Variants in STX18 observed in about 807,000 individuals in gnomAD.
The protein encoded by STX18 is syntaxin-18.
In STX18, 40 loss-of-function variants were observed where a neutral mutation model predicts 50.1. The observed-to-expected ratio is 0.80, with a 90% CI of 0.62 to 1.04. The LOEUF (loss-of-function observed/expected upper bound fraction) is 1.04. STX18 is among the 50% of genes least tolerant of loss of function. The probability of loss-of-function intolerance (pLI) is 0.00; values close to 1 mark genes in which losing one functional copy is unlikely to be tolerated. For synonymous variants in STX18, 158 were observed against 151.8 expected, an observed-to-expected ratio of 1.04 and a Z score of -0.30; for missense variants, 410 against 415.8, an observed-to-expected ratio of 0.99 and a Z score of 0.12.
chr4:4,486,483 G>A (rs967638624), intron 1 of STX18, among the ~76,000 whole-genome samples: 17 of 152,150 alleles, frequency 1.1e-4, no homozygotes, highest in African/African-American at 3.4e-4. Flanking sequence ...AATGATCACC[G>A]CAAACACTAT....
intron 1 of STX18, among the ~76,000 whole-genome samples, chr4:4,512,273 C>T (rs867898400): frequency 6.6e-6 from 1 of 151,892 alleles, no homozygotes; most frequent in Admixed American, 6.6e-5. Flanking sequence ...CAACAGCTCC[C>T]GAGCTTTGTT....
In STX18 at chr4:4,488,909, A is replaced by G. The variant is rs1346287667; in HGVS notation, c.169-17203T>C. ...TCTGCTTCACATCAGCAAAGAGAAT[A>G]GCAAAAGCAACTTCAAGCGGCCCAT... On this transcript the variant is annotated intron_variant, in intron 1 of 10. Coordinates refer to ENST00000306200, the MANE Select transcript of STX18 (RefSeq NM_016930.4). Among the ~76,000 whole-genome samples the G allele has an allele frequency of 3.3e-5, 5 of 152,196 alleles. No homozygotes were observed. The East Asian group carries it at 9.6e-4, about 29-fold the overall frequency.
rs548016834 is a variant in STX18 at position 4,424,120 on chromosome 4, T to C, written c.762-533A>G. Among the ~76,000 whole-genome samples the C allele has an allele frequency of 7.9e-5, 12 of 152,136 alleles. 1 individual carries two copies. The highest frequency in any genetic ancestry group is 5.9e-4 in the Admixed American group (9 of 15,282). On this transcript the variant is annotated intron_variant, in intron 8 of 10. Transcript: ENST00000306200. ...CCTCTGATTCATTTAGAAAATGCCATGTCTTGGTTTGGCAACGGAGTGTTC... is the reference window on the plus strand; with the variant it reads ...CCTCTGATTCATTTAGAAAATGCCACGTCTTGGTTTGGCAACGGAGTGTTC...
chr4:4,515,964 C>G (rs1211543269), intron 1 of STX18, among the ~76,000 whole-genome samples: 1 of 152,106 alleles, frequency 6.6e-6, no homozygotes, highest in Non-Finnish European at 1.5e-5. Flanking sequence ...TGAGAAAAGG[C>G]AGTACCTCAA....
At chr4:4,436,993 C>CT (rs1725823784) in intron 6 of STX18, among the ~76,000 whole-genome samples, 1 of 121,968 alleles carries the variant, frequency 8.2e-6, no homozygotes, top group South Asian at 2.8e-4. Flanking sequence ...GAATTTCGCT[C>CT]TTGTTGCCCA....
intron 5 of STX18, among the ~76,000 whole-genome samples, chr4:4,439,602 CAT>C (rs945857037): frequency 3.5e-5 from 5 of 143,690 alleles, no homozygotes; most frequent in African/African-American, 1.1e-4. Flanking sequence ...CCCCCACACA[CAT>C]ACCCCCCAAC....
At chr4:4,481,064 T>C (rs1162307189) in intron 1 of STX18, among the ~76,000 whole-genome samples, 2 of 152,208 alleles carry the variant, frequency 1.3e-5, no homozygotes, top group South Asian at 4.1e-4. Context: ...TGTTTTTATG[T>C]GTCACCCACA....
chr4:4,452,075 G>A (rs1462279358), intron 5 of STX18, among the ~76,000 whole-genome samples: 4 of 152,210 alleles, frequency 2.6e-5, no homozygotes, highest in African/African-American at 9.6e-5. Context: ...GAGAAAGTGT[G>A]AGTGGTCTGG....
chr4:4,482,631 C>T (rs528059799), intron 1 of STX18, among the ~76,000 whole-genome samples: 61 of 152,360 alleles, frequency 4.0e-4, no homozygotes, highest in Non-Finnish European at 6.8e-4. Context: ...CAACCACCTG[C>T]GTGCCAGACC....
Position 4,419,344 on chromosome 4 carries a change from C to G in STX18, c.*690G>C, listed in dbSNP as rs1281428109. The G allele has an allele frequency of 1.3e-5, 2 of 151,664 alleles. No homozygotes were observed. The highest frequency in any genetic ancestry group is 2.9e-5 in the Non-Finnish European group (2 of 67,894). The allele number at this position is 151,664 out of a possible 1,614,324, so 9.4% of individuals were successfully genotyped here. On this transcript the variant is annotated 3_prime_UTR_variant, in exon 11 of 11. Coordinates refer to ENST00000306200, the MANE Select transcript of STX18 (RefSeq NM_016930.4). ...CCCTGCCTGTTCTGGGGGCAGCAGT[C>G]TTTGGAGGAGTAATGCCAGGCAGCC...
At chr4:4,460,081 C>T (rs912198850) in intron 2 of STX18, among the ~76,000 whole-genome samples, 3 of 152,168 alleles carry the variant, frequency 2.0e-5, no homozygotes, top group Admixed American at 2.0e-4. Context: ...TATCCCACTT[C>T]CCTTCTTCCT....
rs372406067 is a variant in STX18, at chr4:4,470,075, C to T, written c.236+1564G>A. On this transcript the variant is annotated intron_variant, in intron 2 of 10. Transcript: ENST00000306200. ...CTTTGCCAGCCCACGAGAATGCAAA[C>T]GCCATGAGGGCAGGAATATTTGTAT... 9.2e-5 allele frequency among the ~76,000 whole-genome samples: 14 copies of T among 152,284 alleles called. No individual in the cohort carries two copies. In the East Asian group the frequency reaches 1.5e-3, roughly 17 times the overall value.
intron 1 of STX18, among the ~76,000 whole-genome samples, chr4:4,506,462 T>A (rs900407519): frequency 6.6e-6 from 1 of 152,220 alleles, no homozygotes; most frequent in Admixed American, 6.5e-5. Flanking sequence ...ATTTATATGA[T>A]GTTATTGAAA....
intron 1 of STX18, among the ~76,000 whole-genome samples, chr4:4,502,494 C>G (rs1159734732): frequency 6.6e-6 from 1 of 152,032 alleles, no homozygotes; most frequent in African/African-American, 2.4e-5. Context: ...CCTTTTATAT[C>G]TTTTCAAATG....
chr4:4,507,094 C>T (rs929305128), intron 1 of STX18: 18 of 541,022 alleles, frequency 3.3e-5, no homozygotes, highest in African/African-American at 1.9e-4. Flanking sequence ...TCAGTTGGAG[C>T]GCCAAGATCG....
At chr4:4,533,263 T>C (rs114654527) in intron 1 of STX18, among the ~76,000 whole-genome samples, 358 of 152,326 alleles carry the variant, frequency 2.4e-3, no homozygotes, top group Middle Eastern at 0.014. Context: ...TAAAATGGTT[T>C]TCATACCATA....
intron 1 of STX18, among the ~76,000 whole-genome samples, chr4:4,504,976 G>A (rs901658640): frequency 2.0e-5 from 3 of 152,038 alleles, no homozygotes; most frequent in Non-Finnish European, 4.4e-5. Context: ...CAATTCCATG[G>A]TTTTTAGTGT....
At chr4:4,509,046 C>T (rs1729871312) in intron 1 of STX18, among the ~76,000 whole-genome samples, 1 of 152,146 alleles carries the variant, frequency 6.6e-6, no homozygotes, top group Non-Finnish European at 1.5e-5. Context: ...ATCTTTACAA[C>T]AGAATGATTT....
intron 1 of STX18, among the ~76,000 whole-genome samples, chr4:4,537,490 T>C (rs1479177427): frequency 6.6e-6 from 1 of 152,144 alleles, no homozygotes; most frequent in East Asian, 1.9e-4. Context: ...CTGGCTATAA[T>C]GACTACTGTA....
Sources: gnomAD v4.1 joint callset for allele counts (sites outside exome capture counted in the v4.1 genomes callset) on GRCh38, gnomAD v4.1.1 for gene constraint, MANE v1.5 for transcripts, NCBI Gene and HGNC (gene_info 2026-07-23, HGNC 2026-07-21) for gene names.